The following OR10H1 variants were observed in gnomAD, a reference collection of about 807,000 sequenced individuals.
OR10H1 encodes the protein olfactory receptor 10H1.
In OR10H1, 12 loss-of-function variants were observed where a neutral mutation model predicts 13.1. That is an observed-to-expected ratio of 0.92 (90% CI 0.59 to 1.48). The LOEUF is 1.48. Ranked by LOEUF, OR10H1 falls within the 40% of genes most tolerant of loss-of-function variation. OR10H1 has a pLI of 0.00. For missense variants in OR10H1, 363 were observed against 413.1 expected (o/e 0.88, Z 1.05); for synonymous variants, 168 against 175.6 (o/e 0.96, Z 0.34).
intron 2 of OR10H1, among the ~76,000 whole-genome samples, chr19:15,811,831 C>G (rs1043670593): frequency 1.3e-5 from 2 of 152,176 alleles, no homozygotes; most frequent in Non-Finnish European, 2.9e-5. Flanking sequence ...CTTTAAAGCT[C>G]CTTGCTCATG....
At chr19:15,815,171 C>G (rs1285210454) in intron 1 of OR10H1, among the ~76,000 whole-genome samples, 1 of 151,974 alleles carries the variant, frequency 6.6e-6, no homozygotes, top group African/African-American at 2.4e-5. Flanking sequence ...AAACCCCTGT[C>G]TCTACTAAAA....
intron 1 of OR10H1, among the ~76,000 whole-genome samples, chr19:15,814,545 C>T (rs2144946976): frequency 6.6e-6 from 1 of 150,530 alleles, no homozygotes; most frequent in East Asian, 2.0e-4. Flanking sequence ...CAGGGTATCC[C>T]TCTGTCACCC....
Position 15,806,986 on chromosome 19 carries a change from C to A in OR10H1, c.*95G>T. The A allele has an allele frequency of 8.1e-7, 1 of 1,233,716 alleles. No homozygotes were observed. The highest frequency in any genetic ancestry group is 1.1e-6 in the Non-Finnish European group (1 of 873,830). 76.4% of individuals were successfully genotyped at this position (1,233,716 alleles called of 1,614,324 possible). A position where few individuals can be genotyped will look rare whatever the true frequency, so the allele number is the denominator to read the frequency against. ...AGGTGATCCGCCTGCCTCGGCCTCC[C>A]AAAGTGCTGGGATTACAGGCATGAG... On this transcript the variant is annotated 3_prime_UTR_variant, in exon 4 of 4. Transcript: ENST00000641419.
In OR10H1 at chr19:15,812,783, AGCCG is replaced by A. The variant is rs2088942056; in HGVS notation, c.-686_-683del. 1 of 75,658 alleles carries A rather than the reference AGCCG, an allele frequency of 1.3e-5. No homozygotes were observed. Among genetic ancestry groups the A allele is most frequent in the African/African-American group, 7.8e-5 (1 of 12,746 alleles). The allele number at this position is 75,658 out of a possible 1,614,324, so 4.7% of individuals were successfully genotyped here. A position where few individuals can be genotyped will look rare whatever the true frequency, so the allele number is the denominator to read the frequency against. Reference sequence around the variant, plus strand: ...GAGGGAGAAACCTTGAGAGGACAGGAGCCGATCACGTCTGTAGGAGGTAGCTGAG... The same window carrying A: ...GAGGGAGAAACCTTGAGAGGACAGGAATCACGTCTGTAGGAGGTAGCTGAG... On this transcript the variant is annotated 5_prime_UTR_variant, in exon 2 of 4. It introduces an in-frame stop codon into an upstream open reading frame of the 5' UTR. Transcript: ENST00000641419.
At position 15,806,888 on chromosome 19, in the gene OR10H1, G is replaced by A; in HGVS notation, c.*193C>T. On this transcript the variant is annotated 3_prime_UTR_variant, in exon 4 of 4. Coordinates refer to ENST00000641419, the MANE Select transcript of OR10H1 (RefSeq NM_013940.4). Reference sequence around the variant, plus strand: ...GTTACAGGCATGTGCCAACATGCCTGGCTAATTTTTGTATTTTTAGTAGAG... The same window carrying A: ...GTTACAGGCATGTGCCAACATGCCTAGCTAATTTTTGTATTTTTAGTAGAG... 1.8e-6 allele frequency: 1 copy of A among 567,458 alleles called. No individual in the cohort carries two copies. Among genetic ancestry groups the A allele is most frequent in the East Asian group, 3.1e-5 (1 of 32,242 alleles). The allele number at this position is 567,458 out of a possible 1,614,324, so 35.2% of individuals were successfully genotyped here. A position where few individuals can be genotyped will look rare whatever the true frequency, so the allele number is the denominator to read the frequency against.
chr19:15,815,497 C>A (rs2088961698), intron 1 of OR10H1, 58 bp downstream of exon 1: 1 of 152,250 alleles, frequency 6.6e-6, no homozygotes, highest in Admixed American at 6.5e-5. Flanking sequence ...GAGTCCCTGG[C>A]AGGTGCTGGT....
Position 15,812,705 on chromosome 19 carries a change from G to C in OR10H1, c.-604C>G, listed in dbSNP as rs2088940890. ...GAGAGTGAGGGAGGAAAGAAGGAGA[G>C]TGAGATAGGAAGAAACGAGGGAGGG... On this transcript the variant is annotated 5_prime_UTR_variant, in exon 2 of 4. Coordinates refer to ENST00000641419, the MANE Select transcript of OR10H1 (RefSeq NM_013940.4). 1 of 146,364 alleles carries C rather than the reference G, an allele frequency of 6.8e-6. No homozygotes were observed. The highest frequency in any genetic ancestry group is 2.5e-5 in the African/African-American group (1 of 39,728). The allele number at this position is 146,364 out of a possible 1,614,324, so 9.1% of individuals were successfully genotyped here. A position where few individuals can be genotyped will look rare whatever the true frequency, so the allele number is the denominator to read the frequency against.
Position 15,808,178 on chromosome 19 carries a change from C to T in OR10H1, c.-11-130G>A, listed in dbSNP as rs1044964184. The T allele has an allele frequency of 1.5e-5, 11 of 720,560 alleles. No individual in the cohort carries two copies. In the East Asian group the frequency reaches 1.8e-4, roughly 12 times the overall value. The allele number at this position is 720,560 out of a possible 1,614,324, so 44.6% of individuals were successfully genotyped here. On this transcript the variant is annotated intron_variant, in intron 3 of 3. Transcript: ENST00000641419. The stretch of plus-strand genomic sequence containing the variant: ...TGGTTCCATTCCCACTCTGTACCTC[C>T]TATAATTTAATACTCTCGTCAACCT...
intron 1 of OR10H1, among the ~76,000 whole-genome samples, 169 bp downstream of exon 1, chr19:15,815,386 A>C (rs940788164): frequency 7.9e-5 from 12 of 152,022 alleles, no homozygotes; most frequent in Non-Finnish European, 1.5e-4. Context: ...CTGCTAAGCA[A>C]ACAGCACACT....
chr19:15,807,060 G>A lies in OR10H1; in HGVS notation c.*21C>T, dbSNP rs758418678. ...CAATAGCCTTCGGTAATCCAATTTA[G>A]TTGTTCCCAGTGAATTTCTCCTACA... On this transcript the variant is annotated 3_prime_UTR_variant, in exon 4 of 4. Transcript: ENST00000641419. The A allele has an allele frequency of 2.5e-6, 4 of 1,593,618 alleles. No individual in the cohort carries two copies. The highest frequency in any genetic ancestry group is 1.3e-5 in the African/African-American group (1 of 74,292).
rs2088902938 is a variant in OR10H1 at position 15,807,255 on chromosome 19, C to T, written c.783G>A (p.Leu261=). Residue 261 remains leucine (L), a synonymous_variant, in exon 4 of 4, where the codon CTG becomes CTA. Coordinates refer to ENST00000641419, the MANE Select transcript of OR10H1 (RefSeq NM_013940.4). ...VHYGFASVIY[L]KPKSPQSLEG... is the part of the protein sequence containing the mutation. Reference sequence around the variant, plus strand: ...CCAGAGACTGGGGACTTTTGGGCTTCAGGTAAATGACGGAGGCAAAGCCAT... The same window carrying T: ...CCAGAGACTGGGGACTTTTGGGCTTTAGGTAAATGACGGAGGCAAAGCCAT... 6.2e-7 allele frequency: 1 copy of T among 1,613,964 alleles called. No individual in the cohort carries two copies. Among genetic ancestry groups the T allele is most frequent in the South Asian group, 1.1e-5 (1 of 91,084 alleles).
chr19:15,809,779 T>G (rs961471764), intron 2 of OR10H1, among the ~76,000 whole-genome samples: 4 of 152,102 alleles, frequency 2.6e-5, no homozygotes, highest in African/African-American at 9.7e-5. Context: ...TTCATGAGAT[T>G]TCTATGTGTC....
rs557945550 is a variant in OR10H1, at chr19:15,806,970, G to A, written c.*111C>T. The A allele has an allele frequency of 2.3e-5, 23 of 995,710 alleles. No homozygotes were observed. Among genetic ancestry groups the A allele is most frequent in the African/African-American group, 1.5e-4 (9 of 61,832 alleles). The allele number at this position is 995,710 out of a possible 1,614,324, so 61.7% of individuals were successfully genotyped here. A position where few individuals can be genotyped will look rare whatever the true frequency, so the allele number is the denominator to read the frequency against. ...TCAAACTCCTGACCTCAGGTGATCC[G>A]CCTGCCTCGGCCTCCCAAAGTGCTG... On this transcript the variant is annotated 3_prime_UTR_variant, in exon 4 of 4. Coordinates refer to ENST00000641419, the MANE Select transcript of OR10H1 (RefSeq NM_013940.4).
intron 3 of OR10H1, 56 bp from the exon 4 acceptor site, chr19:15,808,104 C>T (rs1230427791): frequency 1.4e-6 from 2 of 1,437,782 alleles, no homozygotes; most frequent in African/African-American, 1.4e-5. Flanking sequence ...AAGTTCTCAG[C>T]CTTCCCCATA....
chr19:15,810,776 T>C (rs904094175), intron 2 of OR10H1, among the ~76,000 whole-genome samples: 3 of 152,098 alleles, frequency 2.0e-5, no homozygotes, highest in African/African-American at 2.4e-5. Context: ...ACAGCATAAA[T>C]GTTCTTGATG....
chr19:15,814,472 T>TGAGA (rs2088952978), intron 1 of OR10H1, among the ~76,000 whole-genome samples: 2 of 48,658 alleles, frequency 4.1e-5, no homozygotes, highest in Admixed American at 4.6e-4. Flanking sequence ...TGTGTGTGTG[T>TGAGA]GTGTGTGTGA....
chr19:15,807,093 A>T lies in OR10H1; in HGVS notation c.945T>A (p.Asn315Lys). 1 of 1,609,910 alleles carries T rather than the reference A, an allele frequency of 6.2e-7. No individual in the cohort carries two copies. Among genetic ancestry groups the T allele is most frequent in the Non-Finnish European group, 8.5e-7 (1 of 1,178,430 alleles). The change falls in exon 4 of 4, where the codon AAT (asparagine) becomes AAA (lysine). Residue 315 changes from asparagine (N) to lysine (K), a missense_variant. Around this residue, in one of 3 missense-constraint regions of OR10H1, gnomAD observed 42 missense variants for 30.3 expected, o/e 1.39. Coordinates refer to ENST00000641419, the MANE Select transcript of OR10H1 (RefSeq NM_013940.4). ...CAGTGAATTTCTCCTACATCATTAC[A>T]TTTTTTTCTGGGTAGAGTTTACTGA... is the stretch of plus-strand genomic sequence containing the variant. ...TFFSKLYPEK[N>K]VMM
chr19:15,808,858 A>AT lies in OR10H1; in HGVS notation c.-128-18_-128-17insA, dbSNP rs1479569184. 16 of 152,076 alleles carry AT rather than the reference A, an allele frequency of 1.1e-4. No homozygotes were observed. The highest frequency in any genetic ancestry group is 1.5e-4 in the Non-Finnish European group (10 of 68,024). 9.4% of individuals were successfully genotyped at this position (152,076 alleles called of 1,614,324 possible). On this transcript the variant is annotated splice_polypyrimidine_tract_variant and intron_variant, in intron 2 of 3. Coordinates refer to ENST00000641419, the MANE Select transcript of OR10H1 (RefSeq NM_013940.4). ...AGCGAGTCTCTGTCTCAAAAAAAAA[A>AT]AAAATAAATAAATAAAAAGAAGAAG...
In OR10H1 at chr19:15,807,566, C is replaced by T. The variant is rs957531359; in HGVS notation, c.472G>A (p.Val158Met). 70 of 1,614,122 alleles carry T rather than the reference C, an allele frequency of 4.3e-5. No homozygotes were observed. Among genetic ancestry groups the T allele is most frequent in the Non-Finnish European group, 5.7e-5 (67 of 1,180,052 alleles). Residue 158 changes from valine to methionine, a missense_variant, in exon 4 of 4, where the codon GTG (valine) becomes ATG (methionine). Transcript: ENST00000641419. Reference protein sequence around the residue: ...SWAGGLVMGMVVTSAIFHLAF... With the variant: ...SWAGGLVMGMMVTSAIFHLAF... Reference sequence around the variant, plus strand: ...AGGTGGAAAATGGCCGAGGTCACCACCATCCCCATGACCAAGCCACCAGCC... The same window carrying T: ...AGGTGGAAAATGGCCGAGGTCACCATCATCCCCATGACCAAGCCACCAGCC...
Sources: gnomAD v4.1 joint callset for allele counts (sites outside exome capture counted in the v4.1 genomes callset) on GRCh38, gnomAD v4.1.1 for gene constraint, gnomAD v4.1.1 regional missense constraint, MANE v1.5 for transcripts, NCBI Gene and HGNC (gene_info 2026-07-23, HGNC 2026-07-21) for gene names.